Variants in H3C10 observed in about 807,000 individuals in gnomAD.
H3C10 encodes the protein histone H3.1.
In H3C10, 8 loss-of-function variants were observed where a neutral mutation model predicts 6.8. That is an observed-to-expected ratio of 1.17 (90% CI 0.69 to 2.12). H3C10 has a LOEUF of 2.12. Among genes scored for constraint, H3C10 ranks in the 30% most tolerant of loss-of-function variants. The pLI, the probability that H3C10 is intolerant of heterozygous loss-of-function variation, is 0.00. For synonymous variants in H3C10, 122 were observed against 81.3 expected, an observed-to-expected ratio of 1.50 and a Z score of -2.69; for missense variants, 163 against 195.3, an observed-to-expected ratio of 0.83 and a Z score of 0.98.
At position 27,810,199 on chromosome 6, in the gene H3C10, T is replaced by G. The variant is rs1760533321; in HGVS notation, c.126T>G (p.Tyr42Ter). Residue 42 changes from tyrosine (Y) to a stop codon, truncating the protein, a stop_gained, in exon 1 of 1, where the codon TAT becomes TAG. Transcript: ENST00000685041. LOFTEE classifies it high-confidence loss of function. Reference protein sequence around the residue: ...ATGGVKKPHRYRPGTVALREI... With the variant: ...ATGGVKKPHR The stretch of plus-strand genomic sequence containing the variant: ...GCGGTGTCAAGAAGCCCCATCGCTA[T>G]CGGCCTGGTACAGTGGCTCTCCGCG... 6.2e-7 allele frequency: 1 copy of G among 1,614,006 alleles called. No homozygotes were observed. Among genetic ancestry groups the G allele is most frequent in the African/African-American group, 1.3e-5 (1 of 74,886 alleles).
rs781358078 is a variant in H3C10 at position 27,810,087 on chromosome 6, A to G, written c.14A>G (p.Lys5Arg). ...AGCTCTGAAGGCATGGCGCGTACGA[A>G]GCAGACTGCTCGCAAGTCCACCGGC... MARTKQTARKSTGGK... is the reference protein window; with the variant it reads MARTRQTARKSTGGK... Residue 5 changes from lysine to arginine, a missense_variant, in exon 1 of 1, where the codon AAG (lysine) becomes AGG (arginine). Lys to Arg is a conservative substitution (Grantham distance 26). Coordinates refer to ENST00000685041, the MANE Select transcript of H3C10 (RefSeq NM_003536.3). The G allele has an allele frequency of 3.1e-6, 5 of 1,614,064 alleles. No individual in the cohort carries two copies. The highest frequency in any genetic ancestry group is 4.2e-6 in the Non-Finnish European group (5 of 1,179,962).
rs773615386 is a variant in H3C10 at position 27,810,315 on chromosome 6, C to G, written c.242C>G (p.Thr81Ser). The G allele has an allele frequency of 6.2e-7, 1 of 1,614,216 alleles. No individual in the cohort carries two copies. Among genetic ancestry groups the G allele is most frequent in the Non-Finnish European group, 8.5e-7 (1 of 1,180,042 alleles). Residue 81 changes from threonine (T) to serine (S), a missense_variant, in exon 1 of 1, where the codon ACC becomes AGC. By Grantham distance (58) the Thr-to-Ser change is moderately conservative. Coordinates refer to ENST00000685041, the MANE Select transcript of H3C10 (RefSeq NM_003536.3). Reference sequence around the variant, plus strand: ...CGTGAGATCGCGCAGGACTTCAAGACCGACTTGCGCTTCCAGAGCTCCGCG... The same window carrying G: ...CGTGAGATCGCGCAGGACTTCAAGAGCGACTTGCGCTTCCAGAGCTCCGCG... Reference protein sequence around the residue: ...LVREIAQDFKTDLRFQSSAVM... With the variant: ...LVREIAQDFKSDLRFQSSAVM...
rs761484168 is a variant in H3C10 at position 27,810,473 on chromosome 6, G to A, written c.400G>A (p.Glu134Lys). The change falls in exon 1 of 1, where the codon GAG becomes AAG. Residue 134 changes from glutamate (E) to lysine (K), a missense_variant. Coordinates refer to ENST00000685041, the MANE Select transcript of H3C10 (RefSeq NM_003536.3). ...DIQLARRIRG[E>K]RA ...CCAGCTCGCACGTCGTATCCGCGGC[G>A]AGAGGGCTTGAGTCTCAAGGACTCA... 2 of 1,613,776 alleles carry A rather than the reference G, an allele frequency of 1.2e-6. No homozygotes were observed. The highest frequency in any genetic ancestry group is 1.3e-5 in the African/African-American group (1 of 74,910).
In H3C10 at chr6:27,810,495, C is replaced by G; in HGVS notation, c.*11C>G. The G allele has an allele frequency of 6.2e-7, 1 of 1,611,870 alleles. No homozygotes were observed. The highest frequency in any genetic ancestry group is 8.5e-7 in the Non-Finnish European group (1 of 1,178,830). On this transcript the variant is annotated 3_prime_UTR_variant, in exon 1 of 1. Coordinates refer to ENST00000685041, the MANE Select transcript of H3C10 (RefSeq NM_003536.3). ...GGCGAGAGGGCTTGAGTCTCAAGGA[C>G]TCACTGATTACATACCCAAAGGCTC...
chr6:27,810,416 G>C lies in H3C10; in HGVS notation c.343G>C (p.Ala115Pro). 6.2e-7 allele frequency: 1 copy of C among 1,614,204 alleles called. No individual in the cohort carries two copies. The highest frequency in any genetic ancestry group is 8.5e-7 in the Non-Finnish European group (1 of 1,180,042). ...GGACACCAACCTGTGCGCCATCCAC[G>C]CCAAGCGGGTGACTATCATGCCCAA... ...FEDTNLCAIH[A>P]KRVTIMPKDI... Residue 115 changes from alanine to proline, a missense_variant, in exon 1 of 1, where the codon GCC becomes CCC. By Grantham distance (27) the Ala-to-Pro change is conservative. Coordinates refer to ENST00000685041, the MANE Select transcript of H3C10 (RefSeq NM_003536.3).
In H3C10 at chr6:27,810,089, C is replaced by T; in HGVS notation, c.16C>T (p.Gln6Ter). The T allele has an allele frequency of 8.7e-6, 14 of 1,614,070 alleles. No individual in the cohort carries two copies. Among genetic ancestry groups the T allele is most frequent in the Non-Finnish European group, 1.1e-5 (13 of 1,179,956 alleles). Residue 6 changes from glutamine to a stop codon, truncating the protein, a stop_gained, in exon 1 of 1, where the codon CAG (glutamine) becomes TAG (stop). Coordinates refer to ENST00000685041, the MANE Select transcript of H3C10 (RefSeq NM_003536.3). LOFTEE classifies it high-confidence loss of function. The part of the protein sequence containing the change: MARTK[Q>*]TARKSTGGKA... ...CTCTGAAGGCATGGCGCGTACGAAG[C>T]AGACTGCTCGCAAGTCCACCGGCGG...
At position 27,810,172 on chromosome 6, in the gene H3C10, C is replaced by G. The variant is rs752126127; in HGVS notation, c.99C>G (p.Thr33=). The change falls in exon 1 of 1, where the codon ACC becomes ACG. Residue 33 remains threonine, a synonymous_variant. Coordinates refer to ENST00000685041, the MANE Select transcript of H3C10 (RefSeq NM_003536.3). ...CGGCTCGGAAGAGCGCTCCGGCCACCGGCGGTGTCAAGAAGCCCCATCGCT... is the reference window on the plus strand; with the variant it reads ...CGGCTCGGAAGAGCGCTCCGGCCACGGGCGGTGTCAAGAAGCCCCATCGCT... ...TKAARKSAPA[T]GGVKKPHRYR... The G allele has an allele frequency of 1.9e-6, 3 of 1,614,170 alleles. No homozygotes were observed. The South Asian group carries it at 3.3e-5, about 18-fold the overall frequency.
In H3C10 at chr6:27,810,385, C is replaced by T; in HGVS notation, c.312C>T (p.Leu104=). 6.2e-7 allele frequency: 1 copy of T among 1,614,218 alleles called. No homozygotes were observed. The highest frequency in any genetic ancestry group is 8.5e-7 in the Non-Finnish European group (1 of 1,180,042). The change falls in exon 1 of 1, where the codon CTC becomes CTT. Residue 104 remains leucine (L), a synonymous_variant. Coordinates refer to ENST00000685041, the MANE Select transcript of H3C10 (RefSeq NM_003536.3). Reference sequence around the variant, plus strand: ...CATGCGAGGCCTACCTGGTGGGGCTCTTTGAGGACACCAACCTGTGCGCCA... The same window carrying T: ...CATGCGAGGCCTACCTGGTGGGGCTTTTTGAGGACACCAACCTGTGCGCCA... ...QEACEAYLVG[L]FEDTNLCAIH...
Position 27,810,085 on chromosome 6 carries a change from G to A in H3C10, c.12G>A (p.Thr4=), listed in dbSNP as rs574419577. MAR[T]KQTARKSTGG... ...CTAGCTCTGAAGGCATGGCGCGTAC[G>A]AAGCAGACTGCTCGCAAGTCCACCG... The change falls in exon 1 of 1, where the codon ACG becomes ACA. Residue 4 remains threonine, a synonymous_variant. Coordinates refer to ENST00000685041, the MANE Select transcript of H3C10 (RefSeq NM_003536.3). 22 of 1,613,920 alleles carry A rather than the reference G, an allele frequency of 1.4e-5. No homozygotes were observed. The highest frequency in any genetic ancestry group is 1.8e-5 in the Non-Finnish European group (21 of 1,179,954).
chr6:27,810,115 C>CT lies in H3C10; in HGVS notation c.42_43insT (p.Lys15Ter). The CT allele has an allele frequency of 6.2e-7, 1 of 1,614,042 alleles. No homozygotes were observed. Among genetic ancestry groups the CT allele is most frequent in the Non-Finnish European group, 8.5e-7 (1 of 1,179,970 alleles). On this transcript the variant is annotated frameshift_variant, in exon 1 of 1. Transcript: ENST00000685041. LOFTEE classifies it high-confidence loss of function. The stretch of plus-strand genomic sequence containing the variant: ...AGACTGCTCGCAAGTCCACCGGCGG[C>CT]AAGGCTCCGCGCAAGCAGCTGGCCA...
Position 27,810,334 on chromosome 6 carries a change from C to T in H3C10, c.261C>T (p.Ser87=), listed in dbSNP as rs185076599. ...TCAAGACCGACTTGCGCTTCCAGAG[C>T]TCCGCGGTGATGGCGCTGCAAGAGG... ...QDFKTDLRFQ[S]SAVMALQEAC... The change falls in exon 1 of 1, where the codon AGC becomes AGT. Residue 87 remains serine, a synonymous_variant. Coordinates refer to ENST00000685041, the MANE Select transcript of H3C10 (RefSeq NM_003536.3). 3 of 1,614,114 alleles carry T rather than the reference C, an allele frequency of 1.9e-6. No individual in the cohort carries two copies. Among genetic ancestry groups the T allele is most frequent in the East Asian group, 2.2e-5 (1 of 44,898 alleles).
Position 27,810,357 on chromosome 6 carries a change from A to T in H3C10, c.284A>T (p.Glu95Val). The T allele has an allele frequency of 6.2e-7, 1 of 1,614,224 alleles. No individual in the cohort carries two copies. The highest frequency in any genetic ancestry group is 8.5e-7 in the Non-Finnish European group (1 of 1,180,036). ...AGCTCCGCGGTGATGGCGCTGCAAG[A>T]GGCATGCGAGGCCTACCTGGTGGGG... ...FQSSAVMALQ[E>V]ACEAYLVGLF... is the part of the protein sequence containing the mutation. The change falls in exon 1 of 1, where the codon GAG (glutamate) becomes GTG (valine). Residue 95 changes from glutamate to valine, a missense_variant. Physicochemically the swap from Glu to Val is moderately radical, Grantham distance 121 (BLOSUM62 -2). Coordinates refer to ENST00000685041, the MANE Select transcript of H3C10 (RefSeq NM_003536.3).
chr6:27,810,249 C>T lies in H3C10; in HGVS notation c.176C>T (p.Thr59Ile), dbSNP rs767895248. ...LREIRRYQKS[T>I]ELLIRKLPFQ... ...GAGATTCGCCGCTACCAGAAGTCCACCGAGCTGCTGATCAGAAAGCTGCCT... is the reference window on the plus strand; with the variant it reads ...GAGATTCGCCGCTACCAGAAGTCCATCGAGCTGCTGATCAGAAAGCTGCCT... The change falls in exon 1 of 1, where the codon ACC (threonine) becomes ATC (isoleucine). Residue 59 changes from threonine (T) to isoleucine (I), a missense_variant. By Grantham distance (89) the Thr-to-Ile change is moderately conservative (BLOSUM62 -1). Transcript: ENST00000685041. 69 of 1,614,120 alleles carry T rather than the reference C, an allele frequency of 4.3e-5. No individual in the cohort carries two copies. Among genetic ancestry groups the T allele is most frequent in the Non-Finnish European group, 5.7e-5 (67 of 1,180,044 alleles).
chr6:27,810,159 G>C lies in H3C10; in HGVS notation c.86G>C (p.Ser29Thr), dbSNP rs765434342. The C allele has an allele frequency of 1.2e-6, 2 of 1,614,168 alleles. No homozygotes were observed. The highest frequency in any genetic ancestry group is 4.5e-5 in the East Asian group (2 of 44,890). The change falls in exon 1 of 1, where the codon AGC becomes ACC. Residue 29 changes from serine to threonine, a missense_variant. Ser to Thr is a moderately conservative substitution (Grantham distance 58, BLOSUM62 1). Transcript: ENST00000685041. ...CTGGCCACCAAGGCGGCTCGGAAGA[G>C]CGCTCCGGCCACCGGCGGTGTCAAG... ...KQLATKAARK[S>T]APATGGVKKP...
chr6:27,810,051 GA>G lies in H3C10; in HGVS notation c.-21del, dbSNP rs1561923759. 1.2e-6 allele frequency: 2 copies of G among 1,611,136 alleles called. No homozygotes were observed. The highest frequency in any genetic ancestry group is 1.7e-6 in the Non-Finnish European group (2 of 1,178,832). On this transcript the variant is annotated 5_prime_UTR_variant, in exon 1 of 1. Transcript: ENST00000685041. ...AAGCGGCTAGCTTTCTCTTTCTCCT[GA>G]AGTGAATCTAGCTCTGAAGGCATGG...
rs150640098 is a variant in H3C10, at chr6:27,810,250, C to T, written c.177C>T (p.Thr59=). 8.7e-6 allele frequency: 14 copies of T among 1,614,120 alleles called. No homozygotes were observed. Among genetic ancestry groups the T allele is most frequent in the Admixed American group, 1.7e-5 (1 of 60,014 alleles). The change falls in exon 1 of 1, where the codon ACC becomes ACT. Residue 59 remains threonine, a synonymous_variant. Coordinates refer to ENST00000685041, the MANE Select transcript of H3C10 (RefSeq NM_003536.3). The part of the protein sequence containing the change: ...LREIRRYQKS[T]ELLIRKLPFQ... ...AGATTCGCCGCTACCAGAAGTCCAC[C>T]GAGCTGCTGATCAGAAAGCTGCCTT... is the stretch of plus-strand genomic sequence containing the variant.
rs1459453674 is a variant in H3C10 at position 27,810,328 on chromosome 6, C to G, written c.255C>G (p.Phe85Leu). The G allele has an allele frequency of 6.2e-7, 1 of 1,614,112 alleles. No homozygotes were observed. The highest frequency in any genetic ancestry group is 1.7e-5 in the Admixed American group (1 of 60,012). The change falls in exon 1 of 1, where the codon TTC (phenylalanine) becomes TTG (leucine). Residue 85 changes from phenylalanine (F) to leucine (L), a missense_variant. Phe to Leu is a conservative substitution (Grantham distance 22). Coordinates refer to ENST00000685041, the MANE Select transcript of H3C10 (RefSeq NM_003536.3). The part of the protein sequence containing the change: ...IAQDFKTDLR[F>L]QSSAVMALQE... ...AGGACTTCAAGACCGACTTGCGCTT[C>G]CAGAGCTCCGCGGTGATGGCGCTGC...
rs1391083152 is a variant in H3C10, at chr6:27,810,498, A to C, written c.*14A>C. ...GAGAGGGCTTGAGTCTCAAGGACTCACTGATTACATACCCAAAGGCTCTTT... is the reference window on the plus strand; with the variant it reads ...GAGAGGGCTTGAGTCTCAAGGACTCCCTGATTACATACCCAAAGGCTCTTT... On this transcript the variant is annotated 3_prime_UTR_variant, in exon 1 of 1. Transcript: ENST00000685041. 6.2e-7 allele frequency: 1 copy of C among 1,610,948 alleles called. No homozygotes were observed. Among genetic ancestry groups the C allele is most frequent in the African/African-American group, 1.3e-5 (1 of 74,936 alleles).
chr6:27,810,081 G>T lies in H3C10; in HGVS notation c.8G>T (p.Arg3Leu). Residue 3 changes from arginine (R) to leucine (L), a missense_variant, in exon 1 of 1, where the codon CGT becomes CTT. Coordinates refer to ENST00000685041, the MANE Select transcript of H3C10 (RefSeq NM_003536.3). MA[R>L]TKQTARKSTG... The stretch of plus-strand genomic sequence containing the variant: ...GAATCTAGCTCTGAAGGCATGGCGC[G>T]TACGAAGCAGACTGCTCGCAAGTCC... 6.2e-7 allele frequency: 1 copy of T among 1,614,008 alleles called. No homozygotes were observed. The highest frequency in any genetic ancestry group is 8.5e-7 in the Non-Finnish European group (1 of 1,179,942).
Sources: gnomAD v4.1 joint callset for allele counts on GRCh38, gnomAD v4.1.1 for gene constraint, MANE v1.5 for transcripts, NCBI Gene and HGNC (gene_info 2026-07-23, HGNC 2026-07-21) for gene names.